RSPO4: variants seen among roughly 807,000 people sequenced by gnomAD.
RSPO4 encodes the protein R-spondin 4, also known as R-spondin-4.
In RSPO4, 23 loss-of-function variants were observed where a neutral mutation model predicts 24.8. That is an observed-to-expected ratio of 0.93 (90% CI 0.67 to 1.31). The LOEUF (loss-of-function observed/expected upper bound fraction) is 1.31. Among genes scored for constraint, RSPO4 ranks in the 40% most tolerant of loss-of-function variants. The pLI, the probability that RSPO4 is intolerant of heterozygous loss-of-function variation, is 0.00. For synonymous variants in RSPO4, 141 were observed against 127.4 expected, an observed-to-expected ratio of 1.11 and a Z score of -0.72; for missense variants, 333 against 316.5, an observed-to-expected ratio of 1.05 and a Z score of -0.39.
chr20:993,062 CG>C (rs1241313465), intron 1 of RSPO4, among the ~76,000 whole-genome samples: 1 of 152,196 alleles, frequency 6.6e-6, no homozygotes, highest in African/African-American at 2.4e-5. Context: ...TCCACCCTGG[CG>C]GATGTGGGCT....
chr20:994,843 C>T (rs1265240331), intron 1 of RSPO4, among the ~76,000 whole-genome samples: 3 of 152,092 alleles, frequency 2.0e-5, no homozygotes, highest in Non-Finnish European at 2.9e-5. Context: ...GGATTACAGG[C>T]GTGAGCCACT....
rs972246396 is a variant in RSPO4 at position 959,394 on chromosome 20, C to T, written c.*963G>A. ...TGTGTGACCCTGGGCAAGCCCCTTCCTTCTCAGACCTGTTTCCCCACATGG... is the reference window on the plus strand; with the variant it reads ...TGTGTGACCCTGGGCAAGCCCCTTCTTTCTCAGACCTGTTTCCCCACATGG... On this transcript the variant is annotated 3_prime_UTR_variant, in exon 5 of 5. Transcript: ENST00000217260. 1.3e-5 allele frequency: 2 copies of T among 152,360 alleles called. No individual in the cohort carries two copies. The highest frequency in any genetic ancestry group is 4.8e-5 in the African/African-American group (2 of 41,466). 9.4% of individuals were successfully genotyped at this position (152,360 alleles called of 1,614,324 possible). A position where few individuals can be genotyped will look rare whatever the true frequency, so the allele number is the denominator to read the frequency against.
rs760903291 is a variant in RSPO4 at position 960,411 on chromosome 20, C to T, written c.651G>A (p.Arg217=). 4.2e-5 allele frequency: 65 copies of T among 1,539,694 alleles called. 2 individuals carry two copies. In the South Asian group the frequency reaches 7.4e-4, roughly 17 times the overall value. ...GRKDRRPRKD[R]KLDRRLDVRP... Reference sequence around the variant, plus strand: ...TCACGTCCAGCCTGCGGTCCAGCTTCCTGTCCTTGCGTGGGCGCCGGTCCT... The same window carrying T: ...TCACGTCCAGCCTGCGGTCCAGCTTTCTGTCCTTGCGTGGGCGCCGGTCCT... Residue 217 remains arginine (R), a synonymous_variant, in exon 5 of 5, where the codon AGG becomes AGA. Transcript: ENST00000217260.
At chr20:986,339 G>C (rs1436962859) in intron 1 of RSPO4, among the ~76,000 whole-genome samples, 1 of 152,142 alleles carries the variant, frequency 6.6e-6, no homozygotes, top group Non-Finnish European at 1.5e-5. Context: ...CAGCATCAGG[G>C]TAGTGACAGC....
At chr20:977,146 G>T (rs1984591013) in intron 1 of RSPO4, among the ~76,000 whole-genome samples, 2 of 152,190 alleles carry the variant, frequency 1.3e-5, no homozygotes, top group Non-Finnish European at 1.5e-5. Context: ...GCATGCATCA[G>T]ATTCACCTAG....
At chr20:960,763 C>G (rs1983968393) in intron 4 of RSPO4, among the ~76,000 whole-genome samples, 1 of 152,368 alleles carries the variant, frequency 6.6e-6, no homozygotes, top group South Asian at 2.1e-4. Flanking sequence ...CTGGGGCCCC[C>G]CAATCAGCAT....
intron 3 of RSPO4, 30 bp downstream of exon 3, chr20:967,144 C>G (rs745795826): frequency 6.2e-7 from 1 of 1,605,498 alleles, no homozygotes; most frequent in Non-Finnish European, 8.5e-7. Flanking sequence ...AGGGGAGGGG[C>G]AGGGGCAGGG....
Position 959,157 on chromosome 20 carries a change from T to TGGTGGGTGTGGGG in RSPO4, c.*1199_*1200insCCCCACACCCACC, listed in dbSNP as rs1983900719. 1 of 72,180 alleles carries TGGTGGGTGTGGGG rather than the reference T, an allele frequency of 1.4e-5. No homozygotes were observed. The highest frequency in any genetic ancestry group is 6.9e-5 in the African/African-American group (1 of 14,392). The allele number at this position is 72,180 out of a possible 1,614,324, so 4.5% of individuals were successfully genotyped here. The stretch of plus-strand genomic sequence containing the variant: ...TGGTGGTGGGTGTGGGCGAGTGCGG[T>TGGTGGGTGTGGGG]GATGGGTGTGGGCAAGTGTGGGGGT... On this transcript the variant is annotated 3_prime_UTR_variant, in exon 5 of 5. Coordinates refer to ENST00000217260, the MANE Select transcript of RSPO4 (RefSeq NM_001029871.4).
intron 1 of RSPO4, among the ~76,000 whole-genome samples, chr20:972,738 T>A (rs1367839512): frequency 6.6e-6 from 1 of 152,096 alleles, no homozygotes; most frequent in Non-Finnish European, 1.5e-5. Flanking sequence ...TGATGTCGGG[T>A]TTTCCGCCAT....
intron 1 of RSPO4, among the ~76,000 whole-genome samples, chr20:991,814 A>C (rs939483290): frequency 6.6e-6 from 1 of 152,190 alleles, no homozygotes; most frequent in Non-Finnish European, 1.5e-5. Flanking sequence ...AAATTTAAAA[A>C]TGTAAGAATA....
At chr20:960,515 G>A in intron 4 of RSPO4, 49 bp from the exon 5 acceptor site, 2 of 1,358,836 alleles carry the variant, frequency 1.5e-6, no homozygotes, top group South Asian at 2.5e-5. Context: ...GGGCCAGTTA[G>A]GTCCTGGGAG....
intron 1 of RSPO4, among the ~76,000 whole-genome samples, chr20:972,239 A>AT (rs968415454): frequency 4.6e-5 from 7 of 151,994 alleles, no homozygotes; most frequent in South Asian, 2.1e-4. Context: ...TAATCTGTGT[A>AT]TTTTTTTGTA....
rs1009225455 is a variant in RSPO4 at position 1,002,051 on chromosome 20, C to G, written c.79+35G>C. On this transcript the variant is annotated intron_variant, in intron 1 of 4. Transcript: ENST00000217260. This position sits in a 1 kb window ranked among gnomAD's most constrained non-coding sequence, Gnocchi z 4.6. ...CCGGCCCCCGGTCTGCCCCGCAGCG[C>G]CTGCCCGGCCGCCCTGCCCAGCCAC... is the stretch of plus-strand genomic sequence containing the variant. 4 of 1,530,626 alleles carry G rather than the reference C, an allele frequency of 2.6e-6. No homozygotes were observed. In the African/African-American group the frequency reaches 4.1e-5, roughly 16 times the overall value. The allele number at this position is 1,530,626 out of a possible 1,614,324, so 94.8% of individuals were successfully genotyped here.
intron 1 of RSPO4, among the ~76,000 whole-genome samples, chr20:998,710 TC>T (rs2122281793): frequency 6.6e-6 from 1 of 152,088 alleles, no homozygotes; most frequent in East Asian, 1.9e-4. Context: ...TGTTGGCAGC[TC>T]CCCAAGGACA....
rs1177606833 is a variant in RSPO4 at position 1,002,310 on chromosome 20, C to T, written c.-146G>A. ...GCGCGGGTCGGTCCGGCCGCCAGGT[C>T]TAGTGAGGGCGTTGGCGGAGCCGGG... On this transcript the variant is annotated 5_prime_UTR_variant, in exon 1 of 5. Transcript: ENST00000217260. This position sits in a 1 kb window ranked among gnomAD's most constrained non-coding sequence, Gnocchi z 4.6. The T allele has an allele frequency of 8.0e-6, 2 of 251,270 alleles. No homozygotes were observed. The highest frequency in any genetic ancestry group is 1.5e-4 in the South Asian group (1 of 6,840). 15.6% of individuals were successfully genotyped at this position (251,270 alleles called of 1,614,324 possible).
chr20:993,734 T>C (rs890422375), intron 1 of RSPO4, among the ~76,000 whole-genome samples: 6 of 152,164 alleles, frequency 3.9e-5, no homozygotes, highest in Non-Finnish European at 8.8e-5. Flanking sequence ...AAACATGAAA[T>C]TGCTAATATT....
chr20:1,001,996 G>C, intron 1 of RSPO4, 90 bp downstream of exon 1: 1 of 1,116,430 alleles, frequency 9.0e-7, no homozygotes, highest in East Asian at 2.7e-5. Context: ...GCACCAGGCA[G>C]ATGCCCCCAG....
At chr20:991,433 T>G (rs1331077155) in intron 1 of RSPO4, among the ~76,000 whole-genome samples, 2 of 152,190 alleles carry the variant, frequency 1.3e-5, no homozygotes, top group African/African-American at 2.4e-5. Context: ...AAAAGATTTT[T>G]TTTGTGTCAA....
intron 4 of RSPO4, among the ~76,000 whole-genome samples, chr20:963,235 C>T (rs1984063692): frequency 1.3e-5 from 2 of 152,332 alleles, no homozygotes; most frequent in South Asian, 4.1e-4. Flanking sequence ...AGTTCTCTCA[C>T]ATCGTGCCCC....
Sources: gnomAD v4.1 joint callset for allele counts (sites outside exome capture counted in the v4.1 genomes callset) on GRCh38, gnomAD v4.1.1 for gene constraint, Gnocchi (gnomAD v3.1) non-coding constraint, MANE v1.5 for transcripts, NCBI Gene and HGNC (gene_info 2026-07-23, HGNC 2026-07-21) for gene names.